KCTD8: variants seen among roughly 807,000 people sequenced by gnomAD.
The protein encoded by KCTD8 is potassium channel tetramerization domain containing 8.
KCTD8 carries 27 observed loss-of-function variants against 31.5 expected under a neutral mutation model. The observed-to-expected ratio is 0.86, with a 90% CI of 0.63 to 1.18. KCTD8 has a LOEUF of 1.18. KCTD8 is among the 50% of genes most tolerant of loss of function. The probability of loss-of-function intolerance (pLI) is 0.00; values close to 1 mark genes in which losing one functional copy is unlikely to be tolerated. For synonymous variants in KCTD8, 290 were observed against 280.0 expected, an observed-to-expected ratio of 1.04 and a Z score of -0.36; for missense variants, 658 against 647.7, an observed-to-expected ratio of 1.02 and a Z score of -0.17.
intron 1 of KCTD8, among the ~76,000 whole-genome samples, chr4:44,243,129 A>G (rs941605782): frequency 7.9e-5 from 12 of 152,202 alleles, no homozygotes; most frequent in Admixed American, 6.5e-4. Context: ...AAGACAGATA[A>G]CCACCAGGAA....
At chr4:44,308,795 A>G (rs1369018776) in intron 1 of KCTD8, among the ~76,000 whole-genome samples, 7 of 152,146 alleles carry the variant, frequency 4.6e-5, no homozygotes, top group Non-Finnish European at 1.0e-4. Context: ...AATATTTACA[A>G]AGATGAATAT....
At chr4:44,235,370 C>A (rs1267562149) in intron 1 of KCTD8, among the ~76,000 whole-genome samples, 7 of 147,646 alleles carry the variant, frequency 4.7e-5, no homozygotes, top group African/African-American at 1.5e-4. Flanking sequence ...ATAATTGAGA[C>A]TAGAATAGAT....
At chr4:44,216,897 T>C (rs1033751983) in intron 1 of KCTD8, among the ~76,000 whole-genome samples, 1 of 152,188 alleles carries the variant, frequency 6.6e-6, no homozygotes, top group Non-Finnish European at 1.5e-5. Context: ...AAGTTAATTT[T>C]TTTTTTGTCA....
chr4:44,347,828 G>A (rs1719073940), intron 1 of KCTD8, among the ~76,000 whole-genome samples: 1 of 152,110 alleles, frequency 6.6e-6, no homozygotes, highest in African/African-American at 2.4e-5. Flanking sequence ...TAATGGCAAT[G>A]CAGGCAGCCA....
At chr4:44,329,098 G>T (rs1224709625) in intron 1 of KCTD8, among the ~76,000 whole-genome samples, 1 of 151,544 alleles carries the variant, frequency 6.6e-6, no homozygotes, top group African/African-American at 2.4e-5. Flanking sequence ...CATCAAAGAA[G>T]TAAATATTAC....
chr4:44,443,983 T>G (rs78759248), intron 1 of KCTD8, among the ~76,000 whole-genome samples: 8,149 of 152,160 alleles, frequency 0.054, 460 homozygotes, highest in East Asian at 0.26. Flanking sequence ...GGACAATCCA[T>G]CTTCAGTATT....
At chr4:44,300,212 C>T (rs1268161165) in intron 1 of KCTD8, among the ~76,000 whole-genome samples, 1 of 152,084 alleles carries the variant, frequency 6.6e-6, no homozygotes, top group Non-Finnish European at 1.5e-5. Context: ...GATTAAAGCC[C>T]TCCAAAGTTC....
intron 1 of KCTD8, among the ~76,000 whole-genome samples, chr4:44,314,818 T>G (rs976840576): frequency 5.3e-5 from 8 of 150,890 alleles, no homozygotes; most frequent in African/African-American, 1.5e-4. Context: ...GAATATAGCA[T>G]AGTTAATATT....
At chr4:44,235,697 T>G (rs1715272462) in intron 1 of KCTD8, among the ~76,000 whole-genome samples, 1 of 150,952 alleles carries the variant, frequency 6.6e-6, no homozygotes, top group South Asian at 2.1e-4. Flanking sequence ...ATGACCAACT[T>G]ATTTTAAGTA....
At chr4:44,232,712 AC>A (rs1200069347) in intron 1 of KCTD8, among the ~76,000 whole-genome samples, 1 of 152,170 alleles carries the variant, frequency 6.6e-6, no homozygotes, top group African/African-American at 2.4e-5. Context: ...TAAACAACAA[AC>A]AGAATAATAG....
chr4:44,303,622 C>T (rs2109394116), intron 1 of KCTD8, among the ~76,000 whole-genome samples: 1 of 151,962 alleles, frequency 6.6e-6, no homozygotes, highest in Admixed American at 6.6e-5. Flanking sequence ...TCAAGACCAG[C>T]CTGGGCAACA....
intron 1 of KCTD8, among the ~76,000 whole-genome samples, chr4:44,383,253 C>T (rs1577647155): frequency 6.6e-6 from 1 of 151,992 alleles, no homozygotes; most frequent in East Asian, 1.9e-4. Flanking sequence ...TCAAAGCAAT[C>T]TACAGATTCA....
chr4:44,418,933 T>C (rs2109469365), intron 1 of KCTD8, among the ~76,000 whole-genome samples: 1 of 152,328 alleles, frequency 6.6e-6, no homozygotes, highest in East Asian at 1.9e-4. Context: ...CAACTACCTT[T>C]TATATAACCC....
rs1355553397 is a variant in KCTD8 at position 44,447,817 on chromosome 4, A to T, written c.707T>A (p.Met236Lys). 1 of 1,602,024 alleles carries T rather than the reference A, an allele frequency of 6.2e-7. No homozygotes were observed. The highest frequency in any genetic ancestry group is 8.5e-7 in the Non-Finnish European group (1 of 1,173,050). ...GGCCAGCGCGATGCGCCCGCACACCATGATGCGCGCCACACGCCGGAATTT... is the reference window on the plus strand; with the variant it reads ...GGCCAGCGCGATGCGCCCGCACACCTTGATGCGCGCCACACGCCGGAATTT... Reference protein sequence around the residue: ...DAKFRRVARIMVCGRIALAKE... With the variant: ...DAKFRRVARIKVCGRIALAKE... The change falls in exon 1 of 2, where the codon ATG becomes AAG. Residue 236 changes from methionine (M) to lysine (K), a missense_variant. Physicochemically the swap from Met to Lys is moderately conservative, Grantham distance 95. Coordinates refer to ENST00000360029, the MANE Select transcript of KCTD8 (RefSeq NM_198353.3).
intron 1 of KCTD8, among the ~76,000 whole-genome samples, chr4:44,202,392 C>T (rs940930060): frequency 2.0e-5 from 3 of 152,154 alleles, no homozygotes; most frequent in South Asian, 2.1e-4. Flanking sequence ...GCCCATCAAA[C>T]GGTGGATTAG....
intron 1 of KCTD8, among the ~76,000 whole-genome samples, chr4:44,419,783 T>C (rs1406453198): frequency 6.6e-6 from 1 of 151,940 alleles, no homozygotes; most frequent in Non-Finnish European, 1.5e-5. Flanking sequence ...CAAATCAACA[T>C]GGCACATGTA....
chr4:44,365,038 C>T (rs1418611044), intron 1 of KCTD8, among the ~76,000 whole-genome samples: 1 of 151,890 alleles, frequency 6.6e-6, no homozygotes, highest in Non-Finnish European at 1.5e-5. Context: ...ATGTACAATA[C>T]AAAGAGTAAA....
At chr4:44,236,154 G>T (rs1227095889) in intron 1 of KCTD8, among the ~76,000 whole-genome samples, 3 of 152,176 alleles carry the variant, frequency 2.0e-5, no homozygotes, top group African/African-American at 7.2e-5. Context: ...CTGCCCAACT[G>T]CAGCCATGAG....
intron 1 of KCTD8, among the ~76,000 whole-genome samples, chr4:44,366,647 G>A (rs1196210735): frequency 6.7e-6 from 1 of 149,494 alleles, no homozygotes; most frequent in East Asian, 2.0e-4. Context: ...ATGCGGATTA[G>A]CCTACTTCAT....
Sources: gnomAD v4.1 joint callset for allele counts (sites outside exome capture counted in the v4.1 genomes callset) on GRCh38, gnomAD v4.1.1 for gene constraint, MANE v1.5 for transcripts, NCBI Gene and HGNC (gene_info 2026-07-23, HGNC 2026-07-21) for gene names.